BCKDHB: variants seen among roughly 807,000 people sequenced by gnomAD.
BCKDHB encodes 2-oxoisovalerate dehydrogenase subunit beta, mitochondrial.
A neutral mutation model predicts 48.5 loss-of-function variants in BCKDHB; 41 were observed. The observed-to-expected ratio is 0.85, with a 90% CI of 0.66 to 1.10. The LOEUF (loss-of-function observed/expected upper bound fraction) is 1.10. Among genes scored for constraint, BCKDHB ranks in the 50% least tolerant of loss-of-function variants. The pLI, the probability that BCKDHB is intolerant of heterozygous loss-of-function variation, is 0.00. For synonymous variants in BCKDHB, 201 were observed against 174.8 expected (o/e 1.15, Z -1.18); for missense variants, 496 against 494.2 (o/e 1.00, Z -0.03).
intron 3 of BCKDHB, among the ~76,000 whole-genome samples, chr6:80,153,586 A>G (rs1415820332): frequency 1.3e-5 from 2 of 152,144 alleles, no homozygotes; most frequent in African/African-American, 4.8e-5. Flanking sequence ...CGTGCCTCTC[A>G]ACTAACAACT....
At chr6:80,389,913 A>T in the BCKDHB span, among the ~76,000 whole-genome samples, 2 of 152,204 alleles carry the variant, frequency 1.3e-5, no homozygotes, top group African/African-American at 4.8e-5. Context: ...CTAGTGATCC[A>T]GTAGCAAAAT....
intron 3 of BCKDHB, among the ~76,000 whole-genome samples, chr6:80,131,809 A>G (rs1770643473): frequency 6.6e-6 from 1 of 151,500 alleles, no homozygotes; most frequent in African/African-American, 2.4e-5. Context: ...TGCCCTGCTA[A>G]TTTTTGTATT....
the BCKDHB span, among the ~76,000 whole-genome samples, chr6:80,411,058 A>G: frequency 1.3e-5 from 2 of 151,818 alleles, no homozygotes; most frequent in Non-Finnish European, 2.9e-5. Flanking sequence ...CTTTTCTCCT[A>G]TGGTTTCTTC....
chr6:80,353,788 G>A, the BCKDHB span, among the ~76,000 whole-genome samples: 1 of 152,126 alleles, frequency 6.6e-6, no homozygotes, highest in Non-Finnish European at 1.5e-5. Context: ...GGGAGGCAGA[G>A]GTTGCAGTGA....
the BCKDHB span, chr6:80,374,555 T>C: frequency 4.3e-6 from 3 of 690,882 alleles, no homozygotes; most frequent in South Asian, 3.0e-5. Context: ...CCCGGTCAAG[T>C]GTATAGGGCA....
In BCKDHB at chr6:80,173,594, A is replaced by G. The variant is rs553769249; in HGVS notation, c.742+2204A>G. Among the ~76,000 whole-genome samples the G allele has an allele frequency of 2.0e-5, 3 of 152,288 alleles. No individual in the cohort carries two copies. In the East Asian group the frequency reaches 5.8e-4, roughly 29 times the overall value. The stretch of plus-strand genomic sequence containing the variant: ...AGCAGAGCCCAGCTCTCTTTGTGTT[A>G]GTAGCCCTATAGATTATTCTGATCC... On this transcript the variant is annotated intron_variant, in intron 6 of 9. Coordinates refer to ENST00000320393, the MANE Select transcript of BCKDHB (RefSeq NM_183050.4).
the BCKDHB span, chr6:80,374,175 G>A: frequency 1.4e-6 from 1 of 720,284 alleles, no homozygotes; most frequent in Non-Finnish European, 2.6e-6. Context: ...CCGACTATGA[G>A]CTCTGTAGGT....
At chr6:80,194,259 G>A (rs561922533) in intron 6 of BCKDHB, among the ~76,000 whole-genome samples, 5 of 151,904 alleles carry the variant, frequency 3.3e-5, no homozygotes, top group South Asian at 2.1e-4. Flanking sequence ...TTTTTATTTC[G>A]AAATAGTTCA....
chr6:80,424,507 A>G, the BCKDHB span, among the ~76,000 whole-genome samples: 1 of 152,194 alleles, frequency 6.6e-6, no homozygotes. Context: ...TACATAATTA[A>G]TTTGGCTATT....
intron 9 of BCKDHB, among the ~76,000 whole-genome samples, chr6:80,280,176 T>C (rs1020162949): frequency 6.6e-6 from 1 of 152,160 alleles, no homozygotes; most frequent in African/African-American, 2.4e-5. Context: ...GAAATAGATA[T>C]GACAGAGTAA....
chr6:80,182,458 A>C (rs1340583331), intron 6 of BCKDHB, among the ~76,000 whole-genome samples: 4 of 152,166 alleles, frequency 2.6e-5, no homozygotes, highest in Non-Finnish European at 5.9e-5. Flanking sequence ...TTACATTCTC[A>C]ATGACTAAGC....
At chr6:80,284,004 AG>A (rs1210425882) in intron 9 of BCKDHB, among the ~76,000 whole-genome samples, 2 of 152,156 alleles carry the variant, frequency 1.3e-5, no homozygotes, top group Non-Finnish European at 2.9e-5. Flanking sequence ...AATCAGTAAC[AG>A]GATGGGTCTG....
intron 8 of BCKDHB, among the ~76,000 whole-genome samples, chr6:80,238,139 C>A (rs530409151): frequency 9.9e-5 from 15 of 152,170 alleles, no homozygotes; most frequent in African/African-American, 3.6e-4. Flanking sequence ...GCTCTGTCAC[C>A]CAGGCTGGAG....
the BCKDHB span, among the ~76,000 whole-genome samples, chr6:80,424,438 T>C: frequency 1.3e-5 from 2 of 152,194 alleles, 1 homozygote; most frequent in South Asian, 4.1e-4. Context: ...TGCTTCCTAG[T>C]TTTTGGTAAT....
the BCKDHB span, among the ~76,000 whole-genome samples, chr6:80,355,155 T>C: frequency 6.6e-6 from 1 of 152,090 alleles, no homozygotes; most frequent in Admixed American, 6.6e-5. Flanking sequence ...TTTGTTTGTG[T>C]CATCTACAAT....
At chr6:80,406,543 C>T in the BCKDHB span, among the ~76,000 whole-genome samples, 1 of 152,196 alleles carries the variant, frequency 6.6e-6, no homozygotes, top group Non-Finnish European at 1.5e-5. Flanking sequence ...TTAGTGATCA[C>T]CATTCTAACT....
chr6:80,370,761 GGTGTGTATATATAGCGTGT>G, the BCKDHB span, among the ~76,000 whole-genome samples: 68,462 of 149,032 alleles, frequency 0.46, 16,483 homozygotes, highest in Non-Finnish European at 0.54. Context: ...TGTTCCATGG[GGTGTGTATATATAGCGTGT>G]GTGTGTATAT....
intron 1 of BCKDHB, among the ~76,000 whole-genome samples, chr6:80,107,469 ATG>A (rs1392982222): frequency 1.4e-5 from 2 of 140,382 alleles, no homozygotes; most frequent in Non-Finnish European, 3.1e-5. Flanking sequence ...ACATATATAT[ATG>A]TGTGGATATA....
At chr6:80,153,538 C>T (rs1352659210) in intron 3 of BCKDHB, among the ~76,000 whole-genome samples, 1 of 152,146 alleles carries the variant, frequency 6.6e-6, no homozygotes, top group African/African-American at 2.4e-5. Context: ...GTCCTCAGTA[C>T]TTCTCAGTGC....
Sources: allele counts gnomAD v4.1 joint callset (sites outside exome capture counted in the v4.1 genomes callset), GRCh38; gene constraint gnomAD v4.1.1; transcripts MANE v1.5; gene names NCBI Gene and HGNC (gene_info 2026-07-23, HGNC 2026-07-21).